Variants in MARCHF1 observed in about 807,000 individuals in gnomAD.
MARCHF1 encodes E3 ubiquitin-protein ligase MARCHF1.
A neutral mutation model predicts 54.2 loss-of-function variants in MARCHF1; 40 were observed. The observed-to-expected ratio is 0.74, with a 90% CI of 0.57 to 0.96. The LOEUF (loss-of-function observed/expected upper bound fraction) is 0.96, where lower values mean the gene tolerates loss of function less well. MARCHF1 is among the 40% of genes least tolerant of loss of function. The pLI, the probability that MARCHF1 is intolerant of heterozygous loss-of-function variation, is 0.00. For synonymous variants in MARCHF1, 236 were observed against 236.3 expected (o/e 1.00, Z 0.01); for missense variants, 586 against 656.5 (o/e 0.89, Z 1.17).
chr4:163,616,956 A>T (rs1741534292), intron 5 of MARCHF1, among the ~76,000 whole-genome samples: 2 of 152,056 alleles, frequency 1.3e-5, no homozygotes, highest in Admixed American at 1.3e-4. Flanking sequence ...AGATATGTGA[A>T]CCCCCATGAT....
intron 4 of MARCHF1, among the ~76,000 whole-genome samples, chr4:163,776,834 T>C (rs1747320967): frequency 6.6e-6 from 1 of 152,184 alleles, no homozygotes; most frequent in African/African-American, 2.4e-5. Flanking sequence ...GAATTTAGAA[T>C]ATCTAAAAAT....
intron 4 of MARCHF1, among the ~76,000 whole-genome samples, chr4:163,741,986 C>T (rs1160724635): frequency 6.6e-6 from 1 of 152,096 alleles, no homozygotes; most frequent in Non-Finnish European, 1.5e-5. Flanking sequence ...TTTGTTTAGT[C>T]TCATCATCTG....
chr4:164,199,109 A>G (rs1731365685), intron 1 of MARCHF1, among the ~76,000 whole-genome samples: 1 of 152,196 alleles, frequency 6.6e-6, no homozygotes, highest in Non-Finnish European at 1.5e-5. Context: ...TCCAAATCCT[A>G]TAACCCACAC....
chr4:164,312,028 C>T (rs1422009845), intron 1 of MARCHF1, among the ~76,000 whole-genome samples: 1 of 152,162 alleles, frequency 6.6e-6, no homozygotes, highest in Non-Finnish European at 1.5e-5. Flanking sequence ...ATTCTCTATG[C>T]ATGTCAAAAA....
At chr4:163,617,602 GCTA>G (rs1390173867) in intron 5 of MARCHF1, among the ~76,000 whole-genome samples, 1 of 151,762 alleles carries the variant, frequency 6.6e-6, no homozygotes, top group African/African-American at 2.4e-5. Context: ...CAGATAAATA[GCTA>G]CTTTTTTAAA....
chr4:163,636,024 G>T (rs1221112507), intron 5 of MARCHF1, among the ~76,000 whole-genome samples: 4 of 152,022 alleles, frequency 2.6e-5, no homozygotes, highest in Non-Finnish European at 5.9e-5. Flanking sequence ...TGCAGAAAAG[G>T]CCTTTGACAA....
intron 1 of MARCHF1, among the ~76,000 whole-genome samples, chr4:164,232,198 T>C (rs1413329311): frequency 6.6e-6 from 1 of 152,152 alleles, no homozygotes; most frequent in African/African-American, 2.4e-5. Context: ...TTCTAATCAC[T>C]GCCATCACTT....
chr4:163,803,804 A>G (rs1292643215), intron 4 of MARCHF1, among the ~76,000 whole-genome samples: 1 of 152,182 alleles, frequency 6.6e-6, no homozygotes, highest in Non-Finnish European at 1.5e-5. Context: ...ACTTTGGCAA[A>G]ATATTTCTAT....
intron 5 of MARCHF1, among the ~76,000 whole-genome samples, chr4:163,680,026 TA>T (rs1421078527): frequency 6.6e-5 from 10 of 151,396 alleles, no homozygotes; most frequent in Middle Eastern, 3.4e-3. Flanking sequence ...ACAGGGCTCT[TA>T]CTAAAACTCA....
chr4:163,710,658 A>T (rs996070049), intron 4 of MARCHF1, among the ~76,000 whole-genome samples: 5 of 152,224 alleles, frequency 3.3e-5, no homozygotes, highest in Middle Eastern at 3.4e-3. Flanking sequence ...CTTGTACTGA[A>T]AATGTTTCAA....
intron 4 of MARCHF1, among the ~76,000 whole-genome samples, chr4:163,703,998 C>G (rs1251651298): frequency 2.0e-5 from 3 of 151,852 alleles, no homozygotes; most frequent in Non-Finnish European, 4.4e-5. Flanking sequence ...ACGAAGTGGT[C>G]TGTCCTAACA....
At chr4:164,276,594 A>C (rs1205210155) in intron 1 of MARCHF1, among the ~76,000 whole-genome samples, 6 of 151,068 alleles carry the variant, frequency 4.0e-5, no homozygotes, top group African/African-American at 1.5e-4. Context: ...GTGACATTTT[A>C]AATTAGTGGA....
intron 3 of MARCHF1, among the ~76,000 whole-genome samples, chr4:163,988,241 G>A (rs1395600075): frequency 1.3e-5 from 2 of 152,198 alleles, no homozygotes; most frequent in East Asian, 3.8e-4. Flanking sequence ...TCCATAGATT[G>A]TTTAGAAAAA....
At chr4:163,820,091 C>A (rs1285840347) in intron 4 of MARCHF1, among the ~76,000 whole-genome samples, 1 of 152,032 alleles carries the variant, frequency 6.6e-6, no homozygotes, top group Non-Finnish European at 1.5e-5. Context: ...AAGGAGTTAT[C>A]TATACTTATA....
At chr4:163,914,626 C>G (rs4321595) in intron 3 of MARCHF1, among the ~76,000 whole-genome samples, 85,437 of 151,984 alleles carry the variant, frequency 0.56, 24,797 homozygotes, top group Middle Eastern at 0.68. Flanking sequence ...ACAACATCCT[C>G]CCAAGTACAA....
intron 9 of MARCHF1, among the ~76,000 whole-genome samples, chr4:163,542,919 G>T (rs1031259676): frequency 2.0e-5 from 3 of 152,158 alleles, no homozygotes; most frequent in African/African-American, 7.2e-5. Flanking sequence ...GATGAGGGAG[G>T]TGTGTGAGAA....
intron 1 of MARCHF1, among the ~76,000 whole-genome samples, chr4:164,296,108 T>A (rs1447844873): frequency 6.6e-6 from 1 of 152,128 alleles, no homozygotes; most frequent in Non-Finnish European, 1.5e-5. Flanking sequence ...ATTTTGAAAT[T>A]TTCAAATAAA....
chr4:164,007,382 A>G (rs1753317347), intron 2 of MARCHF1, among the ~76,000 whole-genome samples: 1 of 150,524 alleles, frequency 6.6e-6, no homozygotes, highest in South Asian at 2.1e-4. Flanking sequence ...GAAAGAAAAA[A>G]AAAGCAAACT....
chr4:164,054,252 A>G (rs371436049), intron 2 of MARCHF1, among the ~76,000 whole-genome samples: 4 of 151,982 alleles, frequency 2.6e-5, no homozygotes, highest in African/African-American at 9.6e-5. Context: ...TTAGAATGGC[A>G]ATCATTAAAA....
Sources: gnomAD v4.1 joint callset for allele counts (sites outside exome capture counted in the v4.1 genomes callset) on GRCh38, gnomAD v4.1.1 for gene constraint, MANE v1.5 for transcripts, NCBI Gene and HGNC (gene_info 2026-07-23, HGNC 2026-07-21) for gene names.